ABCA13: variants seen among roughly 807,000 people sequenced by gnomAD.
ABCA13 encodes the protein ATP-binding cassette sub-family A member 13.
A neutral mutation model predicts 478.7 loss-of-function variants in ABCA13; 476 were observed. The ratio of observed to expected loss-of-function variants is 0.99; its 90% CI spans 0.92 to 1.07. The LOEUF is 1.07. Ranked by LOEUF, ABCA13 falls within the 50% of genes least tolerant of loss-of-function variation. The pLI, the probability that ABCA13 is intolerant of heterozygous loss-of-function variation, is 0.00. For synonymous variants in ABCA13, 2,252 were observed against 2,158.9 expected (o/e 1.04, Z -1.20); for missense variants, 6,060 against 5,910.6 (o/e 1.03, Z -0.83).
rs1308479814 is a variant in ABCA13, at chr7:48,321,304, C to T, written c.9999+4008C>T. Among the ~76,000 whole-genome samples, 4 of 152,134 alleles carry T rather than the reference C, an allele frequency of 2.6e-5. 1 individual carries two copies. The highest frequency in any genetic ancestry group is 9.7e-5 in the African/African-American group (4 of 41,420). ...TGTTAGTGGTGCTGAGGTTGAGAAA[C>T]CCCAGCATAAAGGGGTATATAATGC... On this transcript the variant is annotated intron_variant, in intron 27 of 61. Transcript: ENST00000435803.
At chr7:48,230,073 A>G (rs1290732023) in intron 7 of ABCA13, 118 bp downstream of exon 7, 8 of 1,253,416 alleles carry the variant, frequency 6.4e-6, no homozygotes, top group Non-Finnish European at 8.4e-6. Context: ...TTCAAATTCA[A>G]AAAAGTATGA....
intron 53 of ABCA13, among the ~76,000 whole-genome samples, chr7:48,523,842 G>A (rs992606889): frequency 3.3e-5 from 5 of 152,178 alleles, no homozygotes; most frequent in Admixed American, 6.5e-5. Flanking sequence ...AACTTACAAT[G>A]TTTCAGTACT....
rs138857328 is a variant in ABCA13, at chr7:48,179,604, C to T, written c.69+8052C>T. ...TTGTGCCCACCTACTTGGAAAATAA[C>T]CATTCTTTAGGGATGAGAGGGAAGC... On this transcript the variant is annotated intron_variant, in intron 1 of 61. Transcript: ENST00000435803. 1.1e-3 allele frequency among the ~76,000 whole-genome samples: 169 copies of T among 152,288 alleles called. 1 individual carries two copies. In the East Asian group the frequency reaches 0.031, roughly 28 times the overall value.
Position 48,171,467 on chromosome 7 carries a change from AG to A in ABCA13, c.-16del. On this transcript the variant is annotated 5_prime_UTR_variant, in exon 1 of 62. Coordinates refer to ENST00000435803, the MANE Select transcript of ABCA13 (RefSeq NM_152701.5). ...CTTACAGGCTGGCTTCCTGACTGAG[AG>A]CAGGGAGCAGCAGGCATGGGGCATG... 6.5e-7 allele frequency: 1 copy of A among 1,535,860 alleles called. No individual in the cohort carries two copies.
At chr7:48,548,346 A>C (rs1426858328) in intron 55 of ABCA13, among the ~76,000 whole-genome samples, 1 of 151,910 alleles carries the variant, frequency 6.6e-6, no homozygotes, top group Non-Finnish European at 1.5e-5. Context: ...TTGTTAATTA[A>C]GGGATAATTT....
chr7:48,632,761 A>G (rs1316299166), intron 59 of ABCA13, among the ~76,000 whole-genome samples: 1 of 152,196 alleles, frequency 6.6e-6, no homozygotes, highest in African/African-American at 2.4e-5. Flanking sequence ...TGTTGAAAAG[A>G]CTATTCAGAC....
intron 34 of ABCA13, 105 bp downstream of exon 34, chr7:48,374,521 A>G: frequency 9.7e-7 from 1 of 1,035,126 alleles, no homozygotes; most frequent in South Asian, 1.5e-5. Context: ...TATCAAGTAG[A>G]GCATTCAGAA....
intron 8 of ABCA13, among the ~76,000 whole-genome samples, chr7:48,237,349 G>A (rs1417701179): frequency 2.0e-5 from 3 of 152,082 alleles, no homozygotes; most frequent in Non-Finnish European, 4.4e-5. Context: ...CCTTTTATTA[G>A]TCTTACAAGG....
At chr7:48,241,968 G>A (rs991983735) in intron 10 of ABCA13, among the ~76,000 whole-genome samples, 1 of 152,096 alleles carries the variant, frequency 6.6e-6, no homozygotes, top group Non-Finnish European at 1.5e-5. Flanking sequence ...TTCCCTATCC[G>A]GGCCATAAAA....
At position 48,309,978 on chromosome 7, in the gene ABCA13, C is replaced by T. The variant is rs1205530275; in HGVS notation, c.9353C>T (p.Ser3118Phe). The T allele has an allele frequency of 1.9e-6, 3 of 1,613,874 alleles. No homozygotes were observed. Among genetic ancestry groups the T allele is most frequent in the Admixed American group, 1.7e-5 (1 of 60,028 alleles). Residue 3118 changes from serine to phenylalanine, a missense_variant, in exon 24 of 62, where the codon TCT becomes TTT. Physicochemically the swap from Ser to Phe is radical, Grantham distance 155. This residue lies in a region of ABCA13 where 4,423 missense variants were observed against 4,309.1 expected (regional missense o/e 1.03). Coordinates refer to ENST00000435803, the MANE Select transcript of ABCA13 (RefSeq NM_152701.5). ...TTCAGTGCCCTCACCGTAGCTCTGTCTGGAAAGTGTGATCAGGAAATCCTT... is the reference window on the plus strand; with the variant it reads ...TTCAGTGCCCTCACCGTAGCTCTGTTTGGAAAGTGTGATCAGGAAATCCTT... ...VLFSALTVALSGKCDQEILHL... is the reference protein window; with the variant it reads ...VLFSALTVALFGKCDQEILHL...
chr7:48,582,289 G>A (rs949974194), intron 56 of ABCA13, among the ~76,000 whole-genome samples: 2 of 152,164 alleles, frequency 1.3e-5, no homozygotes, highest in African/African-American at 4.8e-5. Context: ...GTATAAGATG[G>A]AATTTCTGGT....
chr7:48,361,991 T>A (rs1387552722), intron 31 of ABCA13, among the ~76,000 whole-genome samples: 3 of 152,054 alleles, frequency 2.0e-5, no homozygotes, highest in Admixed American at 2.0e-4. Context: ...TGTTGCTAAA[T>A]CTTAATTTCT....
At chr7:48,623,303 A>G (rs2131601246) in intron 59 of ABCA13, among the ~76,000 whole-genome samples, 2 of 152,318 alleles carry the variant, frequency 1.3e-5, no homozygotes, top group Middle Eastern at 3.4e-3. Flanking sequence ...ATGGGCTCTC[A>G]CAAAGTTTTT....
chr7:48,589,036 T>G (rs1418546285), intron 57 of ABCA13, among the ~76,000 whole-genome samples: 4 of 152,212 alleles, frequency 2.6e-5, no homozygotes, highest in African/African-American at 9.6e-5. Context: ...CACTTACTGC[T>G]TCCCATCTGT....
chr7:48,451,289 G>A (rs758690548), intron 42 of ABCA13, among the ~76,000 whole-genome samples: 6 of 151,986 alleles, frequency 3.9e-5, no homozygotes, highest in Non-Finnish European at 5.9e-5. Context: ...GTGAGCCATC[G>A]CGCCCAGCAA....
intron 41 of ABCA13, among the ~76,000 whole-genome samples, chr7:48,415,908 A>T (rs932547838): frequency 6.6e-6 from 1 of 152,162 alleles, no homozygotes; most frequent in Non-Finnish European, 1.5e-5. Flanking sequence ...ATACTTCAGT[A>T]TTCTTTTTAG....
At chr7:48,245,467 C>G in intron 11 of ABCA13, 45 bp from the exon 12 acceptor site, 4 of 1,486,964 alleles carry the variant, frequency 2.7e-6, no homozygotes, top group Non-Finnish European at 3.7e-6. Context: ...AAAAGTCAAG[C>G]TTACTTACCT....
intron 1 of ABCA13, among the ~76,000 whole-genome samples, chr7:48,175,620 C>A (rs1234484202): frequency 6.6e-6 from 1 of 152,132 alleles, no homozygotes; most frequent in Non-Finnish European, 1.5e-5. Context: ...GGAGTTTCAC[C>A]ATGTTGGCCA....
In ABCA13 at chr7:48,476,576, A is replaced by G. The variant is rs73330069; in HGVS notation, c.12976-4460A>G. On this transcript the variant is annotated intron_variant, in intron 45 of 61. Coordinates refer to ENST00000435803, the MANE Select transcript of ABCA13 (RefSeq NM_152701.5). ...GTCCCAGGAGGGGTTACTTACTCCAATGGTTCATCTTGAATTATTGTTTCA... is the reference window on the plus strand; with the variant it reads ...GTCCCAGGAGGGGTTACTTACTCCAGTGGTTCATCTTGAATTATTGTTTCA... Among the ~76,000 whole-genome samples, 552 of 152,290 alleles carry G rather than the reference A, an allele frequency of 3.6e-3. 2 individuals are homozygous for G. The highest frequency in any genetic ancestry group is 5.0e-3 in the Non-Finnish European group (343 of 68,030).
Sources: allele counts gnomAD v4.1 joint callset (sites outside exome capture counted in the v4.1 genomes callset), GRCh38; gene constraint gnomAD v4.1.1; regional missense constraint gnomAD v4.1.1; transcripts MANE v1.5; gene names NCBI Gene and HGNC (gene_info 2026-07-23, HGNC 2026-07-21).